Variants in DAB1 observed in about 807,000 individuals in gnomAD.
The protein encoded by DAB1 is DAB adaptor protein 1, also known as disabled homolog 1.
In DAB1, 15 loss-of-function variants were observed where a neutral mutation model predicts 64.6. The ratio of observed to expected loss-of-function variants is 0.23; its 90% CI spans 0.16 to 0.36. The LOEUF is 0.36. DAB1 is among the 10% of genes least tolerant of loss of function. The pLI is 1.00. For missense variants in DAB1, 596 were observed against 706.7 expected, an observed-to-expected ratio of 0.84 and a Z score of 1.78; for synonymous variants, 235 against 251.9, an observed-to-expected ratio of 0.93 and a Z score of 0.64.
At chr1:58,422,952 G>GC (rs1644786614) in intron 3 of DAB1, among the ~76,000 whole-genome samples, 1 of 152,132 alleles carries the variant, frequency 6.6e-6, no homozygotes, top group Admixed American at 6.5e-5. Flanking sequence ...AACCCCAATT[G>GC]CAAGAGACTC....
At chr1:57,703,893 G>A (rs747330607) in intron 6 of DAB1, among the ~76,000 whole-genome samples, 7 of 152,240 alleles carry the variant, frequency 4.6e-5, no homozygotes, top group Middle Eastern at 3.4e-3. Flanking sequence ...GCAGGGAGAC[G>A]GATGGAACTG....
At chr1:57,211,213 C>G (rs552845338) in intron 2 of DAB1, among the ~76,000 whole-genome samples, 49 of 152,280 alleles carry the variant, frequency 3.2e-4, no homozygotes, top group African/African-American at 1.1e-3. Flanking sequence ...TGAAAACACT[C>G]AGAGTTCGTT....
intron 4 of DAB1, among the ~76,000 whole-genome samples, chr1:58,269,369 A>T (rs1419081838): frequency 1.3e-5 from 2 of 150,624 alleles, no homozygotes; most frequent in Non-Finnish European, 3.0e-5. Flanking sequence ...GCTGCATAGT[A>T]GTCCATGGTG....
chr1:57,399,737 C>G lies in DAB1; in HGVS notation c.-137+24193G>C, dbSNP rs145502137. Among the ~76,000 whole-genome samples the G allele has an allele frequency of 2.0e-5, 3 of 152,320 alleles. No homozygotes were observed. In the East Asian group the frequency reaches 5.8e-4, roughly 29 times the overall value. Reference sequence around the variant, plus strand: ...AAGGTCATACAGCTAGTAAGCTACACAGCTTGGACTGACTTTATTGTTGCT... The same window carrying G: ...AAGGTCATACAGCTAGTAAGCTACAGAGCTTGGACTGACTTTATTGTTGCT... On this transcript the variant is annotated intron_variant, in intron 1 of 14. Transcript: ENST00000371236.
chr1:57,080,062 A>G (rs1652349484), intron 4 of DAB1, among the ~76,000 whole-genome samples: 1 of 152,230 alleles, frequency 6.6e-6, no homozygotes, highest in Non-Finnish European at 1.5e-5. Context: ...TTATAGTAAA[A>G]TATACATAAC....
At chr1:58,457,574 G>A (rs565351950) in intron 3 of DAB1, among the ~76,000 whole-genome samples, 1 of 152,174 alleles carries the variant, frequency 6.6e-6, no homozygotes, top group Non-Finnish European at 1.5e-5. Context: ...AACACGGAAG[G>A]CAGTTCGTTG....
chr1:57,035,476 G>C (rs897373907), intron 9 of DAB1, among the ~76,000 whole-genome samples: 1 of 152,132 alleles, frequency 6.6e-6, no homozygotes, highest in Non-Finnish European at 1.5e-5. Flanking sequence ...AAGGAGAGGT[G>C]GCCTTTGGAG....
intron 5 of DAB1, chr1:58,060,351 TTA>T (rs1570295537): frequency 6.6e-6 from 1 of 152,116 alleles, no homozygotes; most frequent in East Asian, 1.9e-4. Flanking sequence ...TGCCCAAGGT[TTA>T]TTTGTATTAT....
intron 1 of DAB1, among the ~76,000 whole-genome samples, chr1:57,335,201 T>A (rs1021369071): frequency 2.7e-5 from 4 of 150,192 alleles, no homozygotes; most frequent in South Asian, 2.1e-4. Flanking sequence ...ATCTGGACAT[T>A]TTTTTTTTAA....
At chr1:57,226,594 T>A (rs1667268895) in intron 2 of DAB1, among the ~76,000 whole-genome samples, 1 of 150,440 alleles carries the variant, frequency 6.6e-6, no homozygotes, top group Non-Finnish European at 1.5e-5. Flanking sequence ...TCCCAATAAG[T>A]GATCTTCAAC....
chr1:58,173,903 A>T (rs1338524080), intron 4 of DAB1, among the ~76,000 whole-genome samples: 1 of 152,114 alleles, frequency 6.6e-6, no homozygotes, highest in Non-Finnish European at 1.5e-5. Context: ...GAATACTCCT[A>T]CTTGTAGGGT....
At chr1:57,507,650 A>G (rs17115910) in intron 7 of DAB1, among the ~76,000 whole-genome samples, 5,196 of 152,168 alleles carry the variant, frequency 0.034, 275 homozygotes, top group African/African-American at 0.11. Context: ...CATCAACCAC[A>G]TCTTTCTCCC....
chr1:58,270,331 G>T (rs1423900134), intron 4 of DAB1, among the ~76,000 whole-genome samples: 1 of 148,410 alleles, frequency 6.7e-6, no homozygotes, highest in Non-Finnish European at 1.5e-5. Flanking sequence ...TCACATAGTT[G>T]TAGATATGCG....
At chr1:57,484,885 G>C (rs1570563563) in intron 7 of DAB1, among the ~76,000 whole-genome samples, 1 of 152,278 alleles carries the variant, frequency 6.6e-6, no homozygotes, top group East Asian at 1.9e-4. Flanking sequence ...TGGTGAACAA[G>C]TTGCCTCAAA....
intron 1 of DAB1, among the ~76,000 whole-genome samples, chr1:57,322,625 G>A (rs1291408046): frequency 6.6e-6 from 1 of 152,032 alleles, no homozygotes; most frequent in Admixed American, 6.6e-5. Context: ...CATCATTAGA[G>A]GCCTCCACCC....
chr1:58,169,423 A>T (rs1557680263), intron 4 of DAB1, among the ~76,000 whole-genome samples: 1 of 152,200 alleles, frequency 6.6e-6, no homozygotes, highest in African/African-American at 2.4e-5. Flanking sequence ...ACATTCAGGC[A>T]TCAACAGGCT....
chr1:57,443,544 C>G (rs566648250), intron 7 of DAB1, among the ~76,000 whole-genome samples: 1 of 152,344 alleles, frequency 6.6e-6, no homozygotes, highest in Admixed American at 6.5e-5. Context: ...TTCTTTGGCA[C>G]TCTACCAACC....
At chr1:57,417,332 G>T (rs184645335) in intron 1 of DAB1, among the ~76,000 whole-genome samples, 2 of 152,052 alleles carry the variant, frequency 1.3e-5, no homozygotes, top group Admixed American at 6.6e-5. Flanking sequence ...TATAAATAAC[G>T]CCCACAAGCT....
intron 5 of DAB1, among the ~76,000 whole-genome samples, chr1:57,976,348 C>T (rs1050430069): frequency 6.6e-6 from 1 of 152,140 alleles, no homozygotes; most frequent in Non-Finnish European, 1.5e-5. Context: ...GGAAATATTG[C>T]CTGAGGCACA....
Sources: allele counts gnomAD v4.1 joint callset (sites outside exome capture counted in the v4.1 genomes callset), GRCh38; gene constraint gnomAD v4.1.1; transcripts MANE v1.5; gene names NCBI Gene and HGNC (gene_info 2026-07-23, HGNC 2026-07-21).